The following FRMPD3 variants were observed in gnomAD, a reference collection of about 807,000 sequenced individuals.
FRMPD3 encodes the protein FERM and PDZ domain containing 3, also known as FERM and PDZ domain-containing protein 3.
A neutral mutation model predicts 97.9 loss-of-function variants in FRMPD3; 42 were observed. That is an observed-to-expected ratio of 0.43 (90% CI 0.34 to 0.55). The LOEUF (loss-of-function observed/expected upper bound fraction) is 0.55, where lower values mean the gene tolerates loss of function less well. Ranked by LOEUF, FRMPD3 falls within the 20% of genes least tolerant of loss-of-function variation. FRMPD3 has a pLI of 0.03. For missense variants in FRMPD3, 1,303 were observed against 1,457.7 expected (o/e 0.89, Z 1.73); for synonymous variants, 577 against 581.1 (o/e 0.99, Z 0.10).
chrX:107,589,268 A>T, intron 13 of FRMPD3, among the ~76,000 whole-genome samples: 1 of 107,006 alleles, frequency 9.3e-6, no homozygotes, highest in Admixed American at 9.9e-5. Context: ...TTTTGGTGGG[A>T]GCTTTTGTTG....
intron 14 of FRMPD3, among the ~76,000 whole-genome samples, chrX:107,599,239 C>T (rs1436493834): frequency 3.7e-5 from 4 of 108,500 alleles, no homozygotes; most frequent in Admixed American, 2.0e-4. Flanking sequence ...CACCACTGCA[C>T]TCCAGCCTGG....
intron 1 of FRMPD3, among the ~76,000 whole-genome samples, chrX:107,504,228 C>T (rs1417515310): frequency 8.9e-6 from 1 of 112,963 alleles, no homozygotes; most frequent in Non-Finnish European, 1.9e-5. Context: ...ACTGCAGGTG[C>T]CTTGGCTCAA....
At position 107,449,916 on chromosome X, in the gene FRMPD3, C is replaced by CGCCGCTGCGCCGCCGCT; in HGVS notation, c.-91_-75dup. Among the ~76,000 whole-genome samples, 1 of 109,530 alleles carries CGCCGCTGCGCCGCCGCT rather than the reference C, an allele frequency of 9.1e-6. No homozygotes were observed. Among genetic ancestry groups the CGCCGCTGCGCCGCCGCT allele is most frequent in the Non-Finnish European group, 1.9e-5 (1 of 52,028 alleles). On this transcript the variant is annotated 5_prime_UTR_variant, in exon 1 of 15. Coordinates refer to ENST00000683843, the MANE Select transcript of FRMPD3 (RefSeq NM_001388459.1). ...GTCCCGCTGCCGCCGCCGCCGCCGCCGCCGCTGCGCCGCCGCTGCCGCGCC... is the reference window on the plus strand; with the variant it reads ...GTCCCGCTGCCGCCGCCGCCGCCGCCGCCGCTGCGCCGCCGCTGCCGCTGCGCCGCCGCTGCCGCGCC...
chrX:107,521,356 C>G (rs2147543757), intron 1 of FRMPD3, among the ~76,000 whole-genome samples: 1 of 112,344 alleles, frequency 8.9e-6, no homozygotes, highest in South Asian at 3.7e-4. Flanking sequence ...AAAGTGTGGT[C>G]TGTGGACCAG....
intron 4 of FRMPD3, among the ~76,000 whole-genome samples, chrX:107,543,476 A>G (rs1447859691): frequency 9.0e-6 from 1 of 111,075 alleles, no homozygotes; most frequent in Non-Finnish European, 1.9e-5. Context: ...TTTCTGCTTA[A>G]TGTCTCATCC....
At position 107,552,870 on chromosome X, in the gene FRMPD3, G is replaced by A. The variant is rs747111514; in HGVS notation, c.586G>A (p.Gly196Arg). 18 of 1,207,933 alleles carry A rather than the reference G, an allele frequency of 1.5e-5. No homozygotes were observed. Among genetic ancestry groups the A allele is most frequent in the South Asian group, 1.8e-5 (1 of 56,503 alleles). ...CTTTGCTCTTGTCCTTGAGTATGCC[G>A]GGCCAGAACAGAATCACAAGTTTCT... is the stretch of plus-strand genomic sequence containing the variant. ...EHFALVLEYA[G>R]PEQNHKFLLL... is the part of the protein sequence containing the mutation. The change falls in exon 7 of 15, where the codon GGG becomes AGG. Residue 196 changes from glycine (G) to arginine (R), a missense_variant. Coordinates refer to ENST00000683843, the MANE Select transcript of FRMPD3 (RefSeq NM_001388459.1).
rs765808763 is a variant in FRMPD3, at chrX:107,588,314, G to A, written c.1442-9007G>A. On this transcript the variant is annotated intron_variant, in intron 13 of 14. Coordinates refer to ENST00000683843, the MANE Select transcript of FRMPD3 (RefSeq NM_001388459.1). ...TTGTTGCCCAGGCTGGAGTGCAATG[G>A]CACAATCTCAGCTCACCACAACCTC... 3.6e-5 allele frequency among the ~76,000 whole-genome samples: 4 copies of A among 109,698 alleles called. No individual in the cohort carries two copies. In the East Asian group the frequency reaches 8.5e-4, roughly 23 times the overall value.
chrX:107,459,884 T>TACACACACACACACACACACACAC, intron 1 of FRMPD3, among the ~76,000 whole-genome samples: 1 of 89,874 alleles, frequency 1.1e-5, no homozygotes, highest in African/African-American at 4.0e-5. Context: ...CAAGCATACA[T>TACACACACACACACACACACACAC]ACACACACAC....
At chrX:107,570,436 C>A (rs1922834287) in intron 12 of FRMPD3, among the ~76,000 whole-genome samples, 1 of 110,047 alleles carries the variant, frequency 9.1e-6, no homozygotes, top group Non-Finnish European at 1.9e-5. Flanking sequence ...TCAGCCCTGA[C>A]TGCACATTAG....
Position 107,526,222 on chromosome X carries a change from C to T in FRMPD3, c.-7-360C>T, listed in dbSNP as rs968772232. Reference sequence around the variant, plus strand: ...TCCTGCAAGGCTTTGGTTTCCTTTACGGAGTTAATAGCTAAGTCAGTGGAG... The same window carrying T: ...TCCTGCAAGGCTTTGGTTTCCTTTATGGAGTTAATAGCTAAGTCAGTGGAG... On this transcript the variant is annotated intron_variant, in intron 1 of 14. Transcript: ENST00000683843. Among the ~76,000 whole-genome samples, 26 of 112,310 alleles carry T rather than the reference C, an allele frequency of 2.3e-4. 1 individual carries two copies. The highest frequency in any genetic ancestry group is 4.8e-4 in the African/African-American group (15 of 30,935).
intron 12 of FRMPD3, among the ~76,000 whole-genome samples, chrX:107,574,013 G>C (rs139702014): frequency 8.9e-6 from 1 of 111,990 alleles, no homozygotes; most frequent in African/African-American, 3.2e-5. Context: ...AGATGAAGAT[G>C]GTCAGATTAC....
At position 107,574,540 on chromosome X, in the gene FRMPD3, C is replaced by T. The variant is rs1424291038; in HGVS notation, c.1297-1775C>T. ...CTTTATAGAAAATGTGTGTTGACCC[C>T]TGGCCTATATGAACTACAAAATATT... On this transcript the variant is annotated intron_variant, in intron 12 of 14. Coordinates refer to ENST00000683843, the MANE Select transcript of FRMPD3 (RefSeq NM_001388459.1). 2.7e-5 allele frequency among the ~76,000 whole-genome samples: 3 copies of T among 112,296 alleles called. No individual in the cohort carries two copies. The East Asian group carries it at 8.3e-4, about 31-fold the overall frequency.
At chrX:107,582,764 A>G (rs970292974) in intron 13 of FRMPD3, among the ~76,000 whole-genome samples, 2 of 112,245 alleles carry the variant, frequency 1.8e-5, no homozygotes, top group African/African-American at 6.5e-5. Flanking sequence ...CTTGATCACT[A>G]TGGCTTGTAA....
Position 107,602,955 on chromosome X carries a change from G to A in FRMPD3, c.4916G>A (p.Arg1639Gln), listed in dbSNP as rs959782725. The A allele has an allele frequency of 7.4e-6, 9 of 1,209,861 alleles. No individual in the cohort carries two copies. The highest frequency in any genetic ancestry group is 3.5e-5 in the African/African-American group (2 of 57,499). ...LELALKFKEL[R>Q]ASCRRVANVD... ...CTAGCTCTCAAGTTCAAGGAGCTCC[G>A]GGCCTCCTGCCGCCGTGTGGCCAAT... The change falls in exon 15 of 15, where the codon CGG becomes CAG. Residue 1639 changes from arginine (R) to glutamine (Q), a missense_variant. By Grantham distance (43) the Arg-to-Gln change is conservative (BLOSUM62 1). Coordinates refer to ENST00000683843, the MANE Select transcript of FRMPD3 (RefSeq NM_001388459.1).
At chrX:107,595,651 G>A (rs939251664) in intron 13 of FRMPD3, among the ~76,000 whole-genome samples, 16 of 111,324 alleles carry the variant, frequency 1.4e-4, no homozygotes, top group African/African-American at 5.2e-4. Context: ...TGAAAGTGGA[G>A]TATTGGCCGG....
At chrX:107,505,418 A>G (rs781686121) in intron 1 of FRMPD3, among the ~76,000 whole-genome samples, 1 of 111,954 alleles carries the variant, frequency 8.9e-6, no homozygotes, top group Admixed American at 9.4e-5. Context: ...TGGAACCACA[A>G]AGGTGCCCTG....
intron 13 of FRMPD3, among the ~76,000 whole-genome samples, chrX:107,585,860 A>AT (rs1312500798): frequency 9.0e-6 from 1 of 111,294 alleles, no homozygotes. Context: ...TTTATTGAGG[A>AT]TTTTTTCATT....
At chrX:107,504,165 G>A (rs1921978044) in intron 1 of FRMPD3, among the ~76,000 whole-genome samples, 1 of 112,794 alleles carries the variant, frequency 8.9e-6, no homozygotes, top group South Asian at 3.6e-4. Flanking sequence ...AGACTGCCAA[G>A]GGAGGCTGGG....
rs993438702 is a variant in FRMPD3 at position 107,597,957 on chromosome X, A to G, written c.2078A>G (p.Gln693Arg). ...PKRRAVQSQE[Q>R]GRHLRGLLYD... ...CGCCGGGCTGTCCAGAGCCAGGAACAAGGACGCCACCTGCGTGGGCTTCTG... is the reference window on the plus strand; with the variant it reads ...CGCCGGGCTGTCCAGAGCCAGGAACGAGGACGCCACCTGCGTGGGCTTCTG... Residue 693 changes from glutamine to arginine, a missense_variant, in exon 14 of 15, where the codon CAA becomes CGA. By Grantham distance (43) the Gln-to-Arg change is conservative. This residue lies in a region of FRMPD3 where 535 missense variants were observed against 618.6 expected (regional missense o/e 0.86). Coordinates refer to ENST00000683843, the MANE Select transcript of FRMPD3 (RefSeq NM_001388459.1). The G allele has an allele frequency of 6.3e-5, 76 of 1,208,747 alleles. No individual in the cohort carries two copies. Among genetic ancestry groups the G allele is most frequent in the Non-Finnish European group, 8.0e-5 (72 of 895,091 alleles).
Sources: gnomAD v4.1 joint callset for allele counts (sites outside exome capture counted in the v4.1 genomes callset) on GRCh38, gnomAD v4.1.1 for gene constraint, gnomAD v4.1.1 regional missense constraint, MANE v1.5 for transcripts, NCBI Gene and HGNC (gene_info 2026-07-23, HGNC 2026-07-21) for gene names.